The following EMCN variants were observed in gnomAD, a reference collection of about 807,000 sequenced individuals.
The protein encoded by EMCN is endomucin.
EMCN carries 37 observed loss-of-function variants against 38.4 expected under a neutral mutation model. The observed-to-expected ratio is 0.96, with a 90% confidence interval of 0.74 to 1.27. The LOEUF is 1.27. Among genes scored for constraint, EMCN ranks in the 50% most tolerant of loss-of-function variants. The probability of loss-of-function intolerance (pLI) is 0.00; values close to 1 mark genes in which losing one functional copy is unlikely to be tolerated. For synonymous variants in EMCN, 95 were observed against 100.8 expected (o/e 0.94, Z 0.35); for missense variants, 318 against 302.8 (o/e 1.05, Z -0.37).
intron 4 of EMCN, among the ~76,000 whole-genome samples, chr4:100,455,828 T>A (rs1395963258): frequency 6.6e-6 from 1 of 152,112 alleles, no homozygotes; most frequent in Non-Finnish European, 1.5e-5. Context: ...AGAGTTTCAC[T>A]CTGCCACCCA....
At chr4:100,489,623 G>C (rs537332929) in intron 1 of EMCN, among the ~76,000 whole-genome samples, 3 of 152,154 alleles carry the variant, frequency 2.0e-5, no homozygotes, top group Non-Finnish European at 4.4e-5. Flanking sequence ...TCATGTTCAA[G>C]TATAGCATAT....
intron 4 of EMCN, among the ~76,000 whole-genome samples, chr4:100,453,730 T>G (rs988468220): frequency 6.6e-6 from 1 of 152,112 alleles, no homozygotes; most frequent in Non-Finnish European, 1.5e-5. Flanking sequence ...CACGTATGTT[T>G]ATTGTGGCAC....
chr4:100,415,805 C>T, intron 10 of EMCN, 93 bp downstream of exon 10: 4 of 821,474 alleles, frequency 4.9e-6, no homozygotes, highest in Non-Finnish European at 3.9e-6. Context: ...GAAGTTAGGC[C>T]TTTTGTTTAT....
intron 5 of EMCN, among the ~76,000 whole-genome samples, chr4:100,425,730 C>G (rs1333083316): frequency 6.6e-6 from 1 of 151,894 alleles, no homozygotes; most frequent in Non-Finnish European, 1.5e-5. Flanking sequence ...AGTTGAACCT[C>G]CCAACCAAGG....
intron 10 of EMCN, among the ~76,000 whole-genome samples, chr4:100,412,580 C>T (rs1726594651): frequency 6.6e-6 from 1 of 152,124 alleles, no homozygotes; most frequent in African/African-American, 2.4e-5. Flanking sequence ...GCATGTCACA[C>T]ATACATTTTT....
At chr4:100,424,357 T>C (rs1726986529) in intron 5 of EMCN, among the ~76,000 whole-genome samples, 1 of 152,092 alleles carries the variant, frequency 6.6e-6, no homozygotes, top group African/African-American at 2.4e-5. Context: ...AGGGCCATAC[T>C]TGTCCACACA....
chr4:100,403,636 T>C (rs1726317510), intron 11 of EMCN, among the ~76,000 whole-genome samples: 1 of 152,112 alleles, frequency 6.6e-6, no homozygotes, highest in South Asian at 2.1e-4. Flanking sequence ...TTAAGTTCTT[T>C]GAGAAATCTC....
At chr4:100,466,374 G>A (rs1728316740) in intron 3 of EMCN, among the ~76,000 whole-genome samples, 1 of 152,200 alleles carries the variant, frequency 6.6e-6, no homozygotes, top group Non-Finnish European at 1.5e-5. Context: ...AGAATTGCTG[G>A]TGTTTTCTAG....
chr4:100,474,674 G>A (rs1728584489), intron 3 of EMCN, among the ~76,000 whole-genome samples: 1 of 152,262 alleles, frequency 6.6e-6, no homozygotes, highest in South Asian at 2.1e-4. Flanking sequence ...TAATAAAAAA[G>A]AATGAACTAC....
intron 1 of EMCN, among the ~76,000 whole-genome samples, chr4:100,494,937 A>C (rs2110295358): frequency 6.6e-6 from 1 of 152,104 alleles, no homozygotes; most frequent in African/African-American, 2.4e-5. Context: ...CCAAGATTTT[A>C]ATTAACTGTA....
intron 3 of EMCN, among the ~76,000 whole-genome samples, chr4:100,467,396 C>T (rs893732697): frequency 6.6e-6 from 1 of 151,980 alleles, no homozygotes; most frequent in African/African-American, 2.4e-5. Context: ...ATATGAGAAT[C>T]GGCCGGGCGC....
chr4:100,511,633 T>A (rs1729626986), intron 1 of EMCN, among the ~76,000 whole-genome samples: 1 of 152,196 alleles, frequency 6.6e-6, no homozygotes, highest in South Asian at 2.1e-4. Flanking sequence ...AACAAAAGAT[T>A]GATCAAAGAT....
Position 100,465,446 on chromosome 4 carries a change from G to T in EMCN, c.353C>A (p.Thr118Lys). Residue 118 changes from threonine (T) to lysine (K), a missense_variant, in exon 4 of 12, where the codon ACA becomes AAA. Physicochemically the swap from Thr to Lys is moderately conservative, Grantham distance 78 (BLOSUM62 -1). Coordinates refer to ENST00000296420, the MANE Select transcript of EMCN (RefSeq NM_016242.4). Reference protein sequence around the residue: ...TSVTLPNAVSTLQSSKPKTET... With the variant: ...TSVTLPNAVSKLQSSKPKTET... ...ACTCTTGGGTTTGGAACTTTGTAATGTTGAAACAGCATTTGGAAGTGTAAC... is the reference window on the plus strand; with the variant it reads ...ACTCTTGGGTTTGGAACTTTGTAATTTTGAAACAGCATTTGGAAGTGTAAC... The T allele has an allele frequency of 1.2e-6, 2 of 1,604,724 alleles. No individual in the cohort carries two copies. Among genetic ancestry groups the T allele is most frequent in the Non-Finnish European group, 8.5e-7 (1 of 1,173,642 alleles).
chr4:100,506,484 G>GA (rs34329622), intron 1 of EMCN, among the ~76,000 whole-genome samples: 1 of 151,558 alleles, frequency 6.6e-6, no homozygotes, highest in East Asian at 1.9e-4. Flanking sequence ...TATGTTTGTA[G>GA]AAAAAAGGGG....
chr4:100,506,831 G>A (rs914890925), intron 1 of EMCN, among the ~76,000 whole-genome samples: 3 of 152,110 alleles, frequency 2.0e-5, no homozygotes, highest in Non-Finnish European at 4.4e-5. Context: ...GTAAGCTAAT[G>A]AACCAGTTGA....
rs139399492 is a variant in EMCN at position 100,410,719 on chromosome 4, G to A, written c.752-364C>T. ...GTGCCTAAGCAAGCCCATGTCATGT[G>A]TTTAAAGTGCCATTTTATCAGGAAG... On this transcript the variant is annotated intron_variant, in intron 10 of 11. Coordinates refer to ENST00000296420, the MANE Select transcript of EMCN (RefSeq NM_016242.4). 3.7e-3 allele frequency among the ~76,000 whole-genome samples: 556 copies of A among 152,254 alleles called. 7 individuals carry two copies. Among genetic ancestry groups the A allele is most frequent in the African/African-American group, 0.013 (525 of 41,554 alleles).
In EMCN at chr4:100,478,146, A is replaced by G. The variant is rs566625353; in HGVS notation, c.187+1771T>C. ...TCTCCTATAAGCACCACGGACCCCA[A>G]TTTGCCTAACGGCTTTCTCAGCCCT... On this transcript the variant is annotated intron_variant, in intron 2 of 11. Coordinates refer to ENST00000296420, the MANE Select transcript of EMCN (RefSeq NM_016242.4). 6.6e-5 allele frequency among the ~76,000 whole-genome samples: 10 copies of G among 152,052 alleles called. No homozygotes were observed. The South Asian group carries it at 8.3e-4, about 13-fold the overall frequency.
At chr4:100,426,734 ACCT>A (rs1727054912) in intron 5 of EMCN, among the ~76,000 whole-genome samples, 1 of 152,018 alleles carries the variant, frequency 6.6e-6, no homozygotes, top group African/African-American at 2.4e-5. Flanking sequence ...GTTTGTTTAA[ACCT>A]TTTATTTTCC....
At chr4:100,444,877 G>A (rs550066712) in intron 5 of EMCN, among the ~76,000 whole-genome samples, 1 of 152,196 alleles carries the variant, frequency 6.6e-6, no homozygotes, top group South Asian at 2.1e-4. Flanking sequence ...GTAGACTCTG[G>A]GGAGCACCCT....
Sources: allele counts gnomAD v4.1 joint callset (sites outside exome capture counted in the v4.1 genomes callset), GRCh38; gene constraint gnomAD v4.1.1; transcripts MANE v1.5; gene names NCBI Gene and HGNC (gene_info 2026-07-23, HGNC 2026-07-21).